Variants in TRPV4 observed in about 807,000 individuals in gnomAD.
TRPV4 encodes the protein OSM9-like transient receptor potential channel 4.
A neutral mutation model predicts 84.1 loss-of-function variants in TRPV4; 58 were observed. The observed-to-expected ratio is 0.69, with a 90% CI of 0.56 to 0.86. TRPV4 has a LOEUF of 0.86. Among genes scored for constraint, TRPV4 ranks in the 40% least tolerant of loss-of-function variants. TRPV4 has a pLI of 0.00. For synonymous variants in TRPV4, 489 were observed against 500.9 expected, an observed-to-expected ratio of 0.98 and a Z score of 0.32; for missense variants, 879 against 1,181.1, an observed-to-expected ratio of 0.74 and a Z score of 3.75.
chr12:109,798,775 T>C lies in TRPV4; in HGVS notation c.991A>G (p.Ile331Val), dbSNP rs121912636. ...GNTVLHALVA[I>V]ADNTRENTKF... Reference sequence around the variant, plus strand: ...GTGTTCTCACGGGTGTTGTCAGCAATGGCCACCAGCGCATGCAGCACTGTG... The same window carrying C: ...GTGTTCTCACGGGTGTTGTCAGCAACGGCCACCAGCGCATGCAGCACTGTG... The change falls in exon 6 of 16, where the codon ATT (isoleucine) becomes GTT (valine). Residue 331 changes from isoleucine to valine, a missense_variant. Ile to Val is a conservative substitution (Grantham distance 29). This residue lies in a region of TRPV4 where 521 missense variants were observed against 686.6 expected (regional missense o/e 0.76). Coordinates refer to ENST00000261740, the MANE Select transcript of TRPV4 (RefSeq NM_021625.5). The surrounding 1 kb of genome is among the most constrained non-coding windows in gnomAD (Gnocchi z 5.0). 8.7e-6 allele frequency: 14 copies of C among 1,614,074 alleles called. No individual in the cohort carries two copies. The East Asian group carries it at 2.0e-4, about 23-fold the overall frequency.
chr12:109,819,799 T>A (rs574087104), intron 1 of TRPV4, among the ~76,000 whole-genome samples: 1 of 152,288 alleles, frequency 6.6e-6, no homozygotes, highest in East Asian at 1.9e-4. Flanking sequence ...TGACCTCAAA[T>A]GATCTACCCG....
At chr12:109,788,965 CTT>C (rs574677691) in intron 12 of TRPV4, among the ~76,000 whole-genome samples, 1 of 152,124 alleles carries the variant, frequency 6.6e-6, no homozygotes, top group Non-Finnish European at 1.5e-5. Flanking sequence ...CTCTCTCTCT[CTT>C]TCTTTCTGAG....
chr12:109,788,596 A>G lies in TRPV4; in HGVS notation c.2012T>C (p.Leu671Pro). 6.2e-7 allele frequency: 1 copy of G among 1,614,266 alleles called. No individual in the cohort carries two copies. Among genetic ancestry groups the G allele is most frequent in the Non-Finnish European group, 8.5e-7 (1 of 1,180,040 alleles). Residue 671 changes from leucine to proline, a missense_variant, in exon 13 of 16, where the codon CTG becomes CCG. Transcript: ENST00000261740. ...RDSETFSTFL[L>P]DLFKLTIGMG... is the part of the protein sequence containing the mutation. ...GCCGATGGTCAGCTTAAACAGGTCC[A>G]GGAGGAAGGTGCTGAAGGTCTCGCT...
intron 2 of TRPV4, among the ~76,000 whole-genome samples, chr12:109,808,890 A>C (rs930646126): frequency 6.8e-6 from 1 of 146,530 alleles, no homozygotes; most frequent in Admixed American, 6.7e-5. Context: ...TCCAACCATC[A>C]CTCATCCATC....
At chr12:109,785,031 C>A (rs1393734802) in intron 14 of TRPV4, among the ~76,000 whole-genome samples, 2 of 151,900 alleles carry the variant, frequency 1.3e-5, no homozygotes, top group African/African-American at 4.8e-5. Flanking sequence ...TTTTTTTTAA[C>A]CTTCTTTTGA....
chr12:109,796,607 G>A lies in TRPV4; in HGVS notation c.1250C>T (p.Ser417Leu), dbSNP rs1173979080. 4.3e-6 allele frequency: 7 copies of A among 1,614,068 alleles called. No homozygotes were observed. The highest frequency in any genetic ancestry group is 2.2e-5 in the South Asian group (2 of 91,092). ...GTCCAGGGAGGAGAGGTCATAAAGC[G>A]AGGAATACACTGGCCCATAGGCCCA... ...KDWAYGPVYS[S>L]LYDLSSLDTC... Residue 417 changes from serine to leucine, a missense_variant, in exon 7 of 16, where the codon TCG (serine) becomes TTG (leucine). Ser to Leu is a moderately radical substitution (Grantham distance 145). Transcript: ENST00000261740. The surrounding 1 kb of genome is among the most constrained non-coding windows in gnomAD (Gnocchi z 4.2).
intron 1 of TRPV4, among the ~76,000 whole-genome samples, chr12:109,819,811 C>T (rs1892019990): frequency 6.6e-6 from 1 of 152,242 alleles, no homozygotes; most frequent in Non-Finnish European, 1.5e-5. Flanking sequence ...ATCTACCCGC[C>T]TCGGCCTCCC....
chr12:109,829,526 A>G (rs1892354438), intron 1 of TRPV4, among the ~76,000 whole-genome samples: 1 of 152,106 alleles, frequency 6.6e-6, no homozygotes, highest in Admixed American at 6.6e-5. Context: ...CCTTCCACCC[A>G]CCCACCTGGC....
rs1259756946 is a variant in TRPV4, at chr12:109,798,845, G to A, written c.921C>T (p.Asn307=). The A allele has an allele frequency of 1.2e-6, 2 of 1,614,108 alleles. No individual in the cohort carries two copies. Among genetic ancestry groups the A allele is most frequent in the South Asian group, 2.2e-5 (2 of 91,086 alleles). The change falls in exon 6 of 16, where the codon AAC becomes AAT. Residue 307 remains asparagine, a synonymous_variant. Coordinates refer to ENST00000261740, the MANE Select transcript of TRPV4 (RefSeq NM_021625.5). The surrounding 1 kb of genome is among the most constrained non-coding windows in gnomAD (Gnocchi z 5.0). ...QPHIVNYLTE[N]PHKKADMRRQ... ...GCCGCATGTCCGCCTTCTTGTGGGG[G>A]TTCTCCGTCAGGTAGTTGACAATGT...
rs183633517 is a variant in TRPV4, at chr12:109,785,680, A to C, written c.2336+1030T>G. ...GTGATCCACCCACCTTGGCCTCCCA[A>C]AGTGCTGGGATTACAAGCACGAGCC... On this transcript the variant is annotated intron_variant, in intron 14 of 15. Coordinates refer to ENST00000261740, the MANE Select transcript of TRPV4 (RefSeq NM_021625.5). Among the ~76,000 whole-genome samples, 1,230 of 151,382 alleles carry C rather than the reference A, an allele frequency of 8.1e-3. 17 individuals are homozygous for C. Among genetic ancestry groups the C allele is most frequent in the African/African-American group, 0.028 (1,177 of 41,398 alleles).
chr12:109,784,475 C>G (rs1231376987), intron 14 of TRPV4, 38 bp from the exon 15 acceptor site: 24 of 1,614,010 alleles, frequency 1.5e-5, no homozygotes, highest in Non-Finnish European at 1.9e-5. Flanking sequence ...GGGAACCCCT[C>G]AGAGACGCTC....
At chr12:109,823,039 G>A (rs1307818421) in intron 1 of TRPV4, among the ~76,000 whole-genome samples, 3 of 152,194 alleles carry the variant, frequency 2.0e-5, no homozygotes, top group Non-Finnish European at 2.9e-5. Flanking sequence ...CAGCCACCTC[G>A]AAGTGGCGGC....
At chr12:109,792,917 C>A in intron 10 of TRPV4, 100 bp from the exon 11 acceptor site, 1 of 1,206,430 alleles carries the variant, frequency 8.3e-7, no homozygotes, top group Non-Finnish European at 1.2e-6. Context: ...GGTATCAGGA[C>A]TTCCCAATGC....
intron 13 of TRPV4, among the ~76,000 whole-genome samples, chr12:109,787,674 G>A (rs1889772639): frequency 6.6e-6 from 1 of 152,204 alleles, no homozygotes. Flanking sequence ...GAGCAGGCCA[G>A]AGCTGTTTCC....
intron 1 of TRPV4, among the ~76,000 whole-genome samples, chr12:109,816,348 T>C (rs1891842638): frequency 6.6e-6 from 1 of 152,172 alleles, no homozygotes; most frequent in Non-Finnish European, 1.5e-5. Context: ...TGTAGTGTGA[T>C]CTTAGGTAAG....
chr12:109,800,049 T>C (rs577626733), intron 5 of TRPV4, among the ~76,000 whole-genome samples: 1 of 151,656 alleles, frequency 6.6e-6, no homozygotes, highest in Non-Finnish European at 1.5e-5. Context: ...TTCAAGCAAT[T>C]CTCCTGCCTC....
At chr12:109,826,673 C>T (rs1028945606) in intron 1 of TRPV4, among the ~76,000 whole-genome samples, 4 of 152,344 alleles carry the variant, frequency 2.6e-5, no homozygotes, top group East Asian at 1.9e-4. Flanking sequence ...CCCTTCTCAA[C>T]GCCATATCCC....
intron 1 of TRPV4, among the ~76,000 whole-genome samples, chr12:109,824,887 A>T (rs548211564): frequency 2.5e-4 from 38 of 152,250 alleles, no homozygotes; most frequent in African/African-American, 8.9e-4. Context: ...TTTACATCTC[A>T]TCTGCCACTC....
At position 109,783,741 on chromosome 12, in the gene TRPV4, C is replaced by G. The variant is rs374298483; in HGVS notation, c.2496G>C (p.Leu832=). ...CCTCGTCCGGGTTCGAGTTCTTGTT[C>G]AGTTCCACCACGCGGGGTACCACCG... ...WSSVVPRVVE[L]NKNSNPDEVV... is the part of the protein sequence containing the mutation. The change falls in exon 16 of 16, where the codon CTG becomes CTC. Residue 832 remains leucine, a synonymous_variant. Transcript: ENST00000261740. This position sits in a 1 kb window ranked among gnomAD's most constrained non-coding sequence, Gnocchi z 4.6. The G allele has an allele frequency of 9.3e-6, 15 of 1,613,522 alleles. No homozygotes were observed. The highest frequency in any genetic ancestry group is 1.3e-5 in the Non-Finnish European group (15 of 1,179,960).
Sources: gnomAD v4.1 joint callset for allele counts (sites outside exome capture counted in the v4.1 genomes callset) on GRCh38, gnomAD v4.1.1 for gene constraint, gnomAD v4.1.1 regional missense constraint, Gnocchi (gnomAD v3.1) non-coding constraint, MANE v1.5 for transcripts, NCBI Gene and HGNC (gene_info 2026-07-23, HGNC 2026-07-21) for gene names.